ETS1: variants seen among roughly 807,000 people sequenced by gnomAD.
ETS1 encodes protein C-ets-1.
A neutral mutation model predicts 58.6 loss-of-function variants in ETS1; 15 were observed. That is an observed-to-expected ratio of 0.26 (90% confidence interval 0.17 to 0.39). The LOEUF (loss-of-function observed/expected upper bound fraction) is 0.39. ETS1 is among the 10% of genes least tolerant of loss of function. The pLI is 1.00. For missense variants in ETS1, 417 were observed against 610.5 expected, an observed-to-expected ratio of 0.68 and a Z score of 3.34; for synonymous variants, 214 against 218.2, an observed-to-expected ratio of 0.98 and a Z score of 0.17.
At chr11:128,554,998 A>G (rs1864290110) in intron 3 of ETS1, among the ~76,000 whole-genome samples, 3 of 152,172 alleles carry the variant, frequency 2.0e-5, no homozygotes, top group African/African-American at 7.2e-5. Flanking sequence ...ATTTGTATTT[A>G]TGCTTAGAAG....
chr11:128,563,019 C>T (rs751846594), intron 2 of ETS1, among the ~76,000 whole-genome samples: 16 of 150,482 alleles, frequency 1.1e-4, no homozygotes, highest in Admixed American at 6.6e-4. Context: ...AAATCATGAA[C>T]ATGAGGAGTC....
intron 2 of ETS1, among the ~76,000 whole-genome samples, chr11:128,560,127 T>G (rs1224875976): frequency 1.3e-5 from 2 of 152,056 alleles, no homozygotes; most frequent in Admixed American, 6.5e-5. Flanking sequence ...TTTTTTTTTC[T>G]TTTGAGATAG....
intron 3 of ETS1, 138 bp from the exon 4 acceptor site, chr11:128,490,714 A>ATT (rs35432800): frequency 0.058 from 18,744 of 325,356 alleles, 43 homozygotes; most frequent in Middle Eastern, 0.1. Context: ...AGAGCAGGCA[A>ATT]TTTTTTTTTT....
chr11:128,563,061 G>A (rs539720504), intron 2 of ETS1, among the ~76,000 whole-genome samples: 2 of 151,966 alleles, frequency 1.3e-5, no homozygotes, highest in East Asian at 1.9e-4. Context: ...CTATTCTTTC[G>A]GTCTTCTGTC....
At chr11:128,496,976 C>G (rs1420434050) in intron 3 of ETS1, among the ~76,000 whole-genome samples, 3 of 152,178 alleles carry the variant, frequency 2.0e-5, no homozygotes, top group African/African-American at 7.2e-5. Context: ...GACTCAGTGC[C>G]CATGCTGAGG....
chr11:128,582,803 A>G (rs1005718306), intron 1 of ETS1, among the ~76,000 whole-genome samples: 2 of 152,102 alleles, frequency 1.3e-5, no homozygotes, highest in African/African-American at 4.8e-5. Flanking sequence ...CATAGCACAA[A>G]TGGTGAAATA....
chr11:128,556,996 C>G (rs1276740778), intron 2 of ETS1, among the ~76,000 whole-genome samples: 1 of 152,208 alleles, frequency 6.6e-6, no homozygotes, highest in African/African-American at 2.4e-5. Context: ...GTGCCACACT[C>G]TTAGTAATTT....
intron 1 of ETS1, among the ~76,000 whole-genome samples, chr11:128,582,666 C>T (rs561664241): frequency 9.2e-5 from 14 of 152,140 alleles, no homozygotes; most frequent in Admixed American, 6.5e-4. Context: ...TAGCATTAGT[C>T]AAGAATTTTG....
intron 3 of ETS1, chr11:128,530,376 G>C (rs1863875223): frequency 6.7e-6 from 1 of 150,244 alleles, no homozygotes; most frequent in Admixed American, 6.6e-5. Flanking sequence ...TTGGTGAAAA[G>C]AAGAGAAGCA....
At chr11:128,581,826 G>A (rs1223078365) in intron 1 of ETS1, among the ~76,000 whole-genome samples, 1 of 152,136 alleles carries the variant, frequency 6.6e-6, no homozygotes, top group Non-Finnish European at 1.5e-5. Flanking sequence ...TGGCTCTAAA[G>A]GAATTCTCAA....
rs563676059 is a variant in ETS1, at chr11:128,522,485, C to T, written c.215-31909G>A. The stretch of plus-strand genomic sequence containing the variant: ...GCGGGGAGCCGGGGGCGGGGCCGAG[C>T]ACCGCGGCCAATCTCCGCCCGCGGC... On this transcript the variant is annotated intron_variant, in intron 3 of 9. Coordinates refer to ENST00000392668, the MANE Select transcript of ETS1 (RefSeq NM_001143820.2). 3.0e-3 allele frequency: 1,205 copies of T among 406,870 alleles called. 7 individuals carry two copies. The highest frequency in any genetic ancestry group is 0.022 in the Middle Eastern group (17 of 770). 25.2% of individuals were successfully genotyped at this position (406,870 alleles called of 1,614,324 possible).
intron 3 of ETS1, among the ~76,000 whole-genome samples, chr11:128,498,489 A>C (rs904332907): frequency 2.0e-5 from 3 of 152,212 alleles, no homozygotes; most frequent in Non-Finnish European, 4.4e-5. Context: ...TTTTTGCAGC[A>C]ATAAGCATCT....
chr11:128,561,422 T>C (rs889770255), intron 2 of ETS1, among the ~76,000 whole-genome samples: 21 of 152,366 alleles, frequency 1.4e-4, no homozygotes, highest in African/African-American at 4.8e-4. Context: ...ATTTAAAATT[T>C]TGATTTTTTT....
intron 8 of ETS1, among the ~76,000 whole-genome samples, chr11:128,466,769 C>G (rs1374876326): frequency 1.4e-5 from 2 of 146,834 alleles, no homozygotes; most frequent in Non-Finnish European, 3.0e-5. Flanking sequence ...AGCTCTCTAA[C>G]TCTTTTTTTT....
chr11:128,514,101 T>C (rs1277568781), intron 3 of ETS1, among the ~76,000 whole-genome samples: 1 of 152,186 alleles, frequency 6.6e-6, no homozygotes, highest in African/African-American at 2.4e-5. Context: ...GCTTAGCAGA[T>C]TCCTGTGCCT....
chr11:128,577,223 AT>A, intron 1 of ETS1, among the ~76,000 whole-genome samples: 1 of 152,372 alleles, frequency 6.6e-6, no homozygotes, highest in Admixed American at 6.5e-5. Flanking sequence ...GTTCCTCAAA[AT>A]AGAGAATCTG....
chr11:128,565,490 C>T (rs1359304844), intron 2 of ETS1, among the ~76,000 whole-genome samples: 3 of 152,096 alleles, frequency 2.0e-5, no homozygotes, highest in Non-Finnish European at 2.9e-5. Flanking sequence ...AACAAAATAC[C>T]TGAGGAAACT....
intron 3 of ETS1, among the ~76,000 whole-genome samples, chr11:128,499,550 G>A (rs184943644): frequency 7.2e-5 from 11 of 152,282 alleles, no homozygotes; most frequent in African/African-American, 2.2e-4. Context: ...CTTCAGACAC[G>A]CAAGCCACGT....
intron 3 of ETS1, among the ~76,000 whole-genome samples, chr11:128,509,137 T>C (rs1863321741): frequency 1.3e-5 from 2 of 152,240 alleles, no homozygotes; most frequent in South Asian, 4.2e-4. Context: ...TTTCATCAGA[T>C]CATCCATTAC....
Sources: gnomAD v4.1 joint callset for allele counts (sites outside exome capture counted in the v4.1 genomes callset) on GRCh38, gnomAD v4.1.1 for gene constraint, MANE v1.5 for transcripts, NCBI Gene and HGNC (gene_info 2026-07-23, HGNC 2026-07-21) for gene names.